Variants in NEBL observed in about 807,000 individuals in gnomAD.
The protein encoded by NEBL is nebulette.
NEBL carries 122 observed loss-of-function variants against 140.2 expected under a neutral mutation model. That is an observed-to-expected ratio of 0.87 (90% confidence interval 0.75 to 1.01). NEBL has a LOEUF of 1.01. NEBL is among the 50% of genes least tolerant of loss of function. NEBL has a pLI of 0.00. For synonymous variants in NEBL, 436 were observed against 398.9 expected, an observed-to-expected ratio of 1.09 and a Z score of -1.11; for missense variants, 1,365 against 1,231.3, an observed-to-expected ratio of 1.11 and a Z score of -1.62.
At chr10:21,249,968 G>A (rs1174577861) in intron 2 of NEBL, among the ~76,000 whole-genome samples, 3 of 152,026 alleles carry the variant, frequency 2.0e-5, no homozygotes, top group Non-Finnish European at 2.9e-5. Context: ...GGAGGCTGAG[G>A]TACAAGTATC....
At chr10:20,896,328 G>A (rs192550242) in intron 2 of NEBL, among the ~76,000 whole-genome samples, 150 of 151,472 alleles carry the variant, frequency 9.9e-4, no homozygotes, top group African/African-American at 3.5e-3. Flanking sequence ...CAATAATTCT[G>A]GGATTCCCTT....
intron 3 of NEBL, among the ~76,000 whole-genome samples, chr10:20,979,137 A>T (rs1225214715): frequency 6.6e-6 from 1 of 152,146 alleles, no homozygotes; most frequent in Non-Finnish European, 1.5e-5. Context: ...TACACGTAGG[A>T]CTGGGCACGG....
intron 3 of NEBL, among the ~76,000 whole-genome samples, chr10:20,989,117 G>A (rs946249581): frequency 6.6e-6 from 1 of 152,166 alleles, no homozygotes; most frequent in Non-Finnish European, 1.5e-5. Flanking sequence ...ATTTAAATAA[G>A]TGGTCAATTT....
intron 1 of NEBL, among the ~76,000 whole-genome samples, chr10:21,271,785 C>A (rs1158158442): frequency 1.3e-5 from 2 of 152,034 alleles, no homozygotes; most frequent in Non-Finnish European, 2.9e-5. Flanking sequence ...GTCAGCCTCC[C>A]AAAGTGCTAG....
chr10:20,996,705 G>C (rs1214819648), intron 3 of NEBL, among the ~76,000 whole-genome samples: 1 of 152,100 alleles, frequency 6.6e-6, no homozygotes, highest in Non-Finnish European at 1.5e-5. Flanking sequence ...AACTGCAAAA[G>C]TTACCTTCTT....
In NEBL at chr10:20,809,857, G is replaced by A. The variant is rs745447350; in HGVS notation, c.2560C>T (p.Leu854Phe). The A allele has an allele frequency of 2.5e-6, 4 of 1,613,086 alleles. No individual in the cohort carries two copies. The highest frequency in any genetic ancestry group is 1.7e-6 in the Non-Finnish European group (2 of 1,179,724). ...TGAATATTGTCTTCCAGGGGATCAA[G>A]GTCGAAGATGGAGCCAGGATCTGTG... is the stretch of plus-strand genomic sequence containing the variant. Reference protein sequence around the residue: ...WRTDPGSIFDLDPLEDNIQSR... With the variant: ...WRTDPGSIFDFDPLEDNIQSR... The change falls in exon 25 of 28, where the codon CTT becomes TTT. Residue 854 changes from leucine (L) to phenylalanine (F), a missense_variant. By Grantham distance (22) the Leu-to-Phe change is conservative. Around this residue, in one of 2 missense-constraint regions of NEBL, gnomAD observed 1,323 missense variants for 1,154.8 expected, o/e 1.15. Transcript: ENST00000377122.
intron 1 of NEBL, among the ~76,000 whole-genome samples, chr10:21,253,994 T>C (rs528316912): frequency 1.3e-5 from 2 of 152,332 alleles, no homozygotes; most frequent in African/African-American, 4.8e-5. Context: ...TTTACATCTA[T>C]CCAAAATGTA....
intron 1 of NEBL, among the ~76,000 whole-genome samples, chr10:21,264,240 G>A (rs1564552056): frequency 6.6e-6 from 1 of 152,210 alleles, no homozygotes; most frequent in Non-Finnish European, 1.5e-5. Flanking sequence ...AGAAGTGTAG[G>A]GAGCTGGAAA....
At chr10:21,282,268 G>A (rs1392924632) in intron 1 of NEBL, among the ~76,000 whole-genome samples, 1 of 152,194 alleles carries the variant, frequency 6.6e-6, no homozygotes, top group Non-Finnish European at 1.5e-5. Context: ...GGGGTAGAGA[G>A]CAGCAATCCA....
At chr10:20,858,373 A>T (rs776886365) in intron 8 of NEBL, 29 bp from the exon 9 acceptor site, 5 of 1,478,622 alleles carry the variant, frequency 3.4e-6, no homozygotes, top group South Asian at 1.1e-5. Context: ...ACAAAATACC[A>T]TCGAGGAGAA....
At chr10:21,185,788 G>A (rs532803474) in intron 3 of NEBL, among the ~76,000 whole-genome samples, 2 of 152,266 alleles carry the variant, frequency 1.3e-5, no homozygotes, top group South Asian at 2.1e-4. Context: ...GTGACCCACT[G>A]CGCCCTACCT....
At chr10:20,890,538 C>A (rs1204548384) in intron 2 of NEBL, among the ~76,000 whole-genome samples, 1 of 152,202 alleles carries the variant, frequency 6.6e-6, no homozygotes, top group Admixed American at 6.5e-5. Context: ...GCTTCCCAAT[C>A]CTCCTCCTGA....
At chr10:20,872,170 GA>G (rs1845012340) in intron 5 of NEBL, among the ~76,000 whole-genome samples, 1 of 152,178 alleles carries the variant, frequency 6.6e-6, no homozygotes, top group Non-Finnish European at 1.5e-5. Flanking sequence ...ACTGCGTGAA[GA>G]GAGGTGAACG....
intron 2 of NEBL, among the ~76,000 whole-genome samples, chr10:21,148,092 C>G (rs1266959419): frequency 6.6e-6 from 1 of 152,176 alleles, no homozygotes; most frequent in Non-Finnish European, 1.5e-5. Flanking sequence ...GTAGAGAGCA[C>G]TAGCCAGACC....
At chr10:21,263,195 C>T (rs1480518519) in intron 1 of NEBL, among the ~76,000 whole-genome samples, 2 of 152,164 alleles carry the variant, frequency 1.3e-5, no homozygotes, top group African/African-American at 4.8e-5. Flanking sequence ...ATCCTCATAC[C>T]ACTTGAGGTA....
At chr10:20,873,333 T>A (rs1485514105) in intron 5 of NEBL, among the ~76,000 whole-genome samples, 2 of 152,160 alleles carry the variant, frequency 1.3e-5, no homozygotes, top group Non-Finnish European at 2.9e-5. Flanking sequence ...TTGTTTTGCA[T>A]AAGGACAGGG....
chr10:21,212,283 T>C (rs1298784457), intron 3 of NEBL, among the ~76,000 whole-genome samples: 3 of 152,102 alleles, frequency 2.0e-5, no homozygotes, highest in African/African-American at 4.8e-5. Flanking sequence ...TGTATATATA[T>C]CTGTAATGTA....
intron 3 of NEBL, among the ~76,000 whole-genome samples, chr10:21,200,481 C>G (rs1490270559): frequency 1.3e-5 from 2 of 151,688 alleles, no homozygotes; most frequent in African/African-American, 4.8e-5. Flanking sequence ...GCCCAGCTAA[C>G]TTTTGTATTT....
intron 2 of NEBL, among the ~76,000 whole-genome samples, chr10:21,119,267 T>A (rs1016010407): frequency 6.6e-5 from 10 of 152,116 alleles, no homozygotes; most frequent in African/African-American, 1.9e-4. Context: ...CCTAACTTTT[T>A]ATTTTGAAAA....
Sources: allele counts gnomAD v4.1 joint callset (sites outside exome capture counted in the v4.1 genomes callset), GRCh38; gene constraint gnomAD v4.1.1; regional missense constraint gnomAD v4.1.1; transcripts MANE v1.5; gene names NCBI Gene and HGNC (gene_info 2026-07-23, HGNC 2026-07-21).